The following BRDT variants were observed in gnomAD, a reference collection of about 807,000 sequenced individuals.
The protein encoded by BRDT is bromodomain testis-specific protein.
BRDT carries 77 observed loss-of-function variants against 113.9 expected under a neutral mutation model. The ratio of observed to expected loss-of-function variants is 0.68; its 90% CI spans 0.56 to 0.82. The LOEUF (loss-of-function observed/expected upper bound fraction) is 0.82. BRDT is among the 40% of genes least tolerant of loss of function. BRDT has a pLI of 0.00. For synonymous variants in BRDT, 358 were observed against 366.5 expected, an observed-to-expected ratio of 0.98 and a Z score of 0.26; for missense variants, 1,027 against 1,105.4, an observed-to-expected ratio of 0.93 and a Z score of 1.01.
At chr1:91,966,947 T>C (rs1034875262) in intron 3 of BRDT, among the ~76,000 whole-genome samples, 1 of 152,056 alleles carries the variant, frequency 6.6e-6, no homozygotes, top group African/African-American at 2.4e-5. Flanking sequence ...CAGGCACCTG[T>C]AATCCCAGGT....
chr1:92,008,399 T>C (rs1052637812), intron 18 of BRDT, among the ~76,000 whole-genome samples: 5 of 152,154 alleles, frequency 3.3e-5, no homozygotes, highest in Admixed American at 6.6e-5. Flanking sequence ...TTTAGAGCAG[T>C]CTTACATTTG....
At chr1:91,965,352 CA>C (rs1363712679) in intron 3 of BRDT, among the ~76,000 whole-genome samples, 9 of 151,884 alleles carry the variant, frequency 5.9e-5, no homozygotes, top group African/African-American at 1.9e-4. Context: ...TTTTAAAAAC[CA>C]AAATACCAAT....
intron 14 of BRDT, among the ~76,000 whole-genome samples, chr1:91,993,537 T>C (rs1570597707): frequency 1.3e-5 from 2 of 152,206 alleles, no homozygotes; most frequent in Non-Finnish European, 2.9e-5. Context: ...ATTAAATAAA[T>C]GTTAGCTATT....
At chr1:91,986,365 A>C (rs973164225) in intron 12 of BRDT, among the ~76,000 whole-genome samples, 2 of 152,208 alleles carry the variant, frequency 1.3e-5, no homozygotes, top group African/African-American at 4.8e-5. Flanking sequence ...GAGTACTTTT[A>C]ATTAAAACCT....
intron 12 of BRDT, among the ~76,000 whole-genome samples, chr1:91,986,451 G>A (rs1685248835): frequency 6.6e-6 from 1 of 152,098 alleles, no homozygotes; most frequent in Non-Finnish European, 1.5e-5. Context: ...TTTTTTCAGT[G>A]TACTTAATTT....
In BRDT at chr1:92,014,229, C is replaced by A; in HGVS notation, c.2799C>A (p.Thr933=). The change falls in exon 19 of 19, where the codon ACC becomes ACA. Residue 933 remains threonine, a synonymous_variant. Transcript: ENST00000399546. Reference sequence around the variant, plus strand: ...AGATGGTGGGTACCATTGATATGACCCTTCAAAGTGACATTATGACAATGT... The same window carrying A: ...AGATGGTGGGTACCATTGATATGACACTTCAAAGTGACATTATGACAATGT... The part of the protein sequence containing the change: ...REAMVGTIDM[T]LQSDIMTMFE... 6.3e-7 allele frequency: 1 copy of A among 1,588,764 alleles called. No homozygotes were observed. Among genetic ancestry groups the A allele is most frequent in the Non-Finnish European group, 8.5e-7 (1 of 1,172,044 alleles).
Position 91,964,729 on chromosome 1 carries a change from A to C in BRDT, c.295A>C (p.Asn99His). 1 of 1,487,470 alleles carries C rather than the reference A, an allele frequency of 6.7e-7. No homozygotes were observed. Among genetic ancestry groups the C allele is most frequent in the Non-Finnish European group, 9.1e-7 (1 of 1,096,232 alleles). 92.1% of individuals were successfully genotyped at this position (1,487,470 alleles called of 1,614,324 possible). The change falls in exon 3 of 19, where the codon AAT becomes CAT. Residue 99 changes from asparagine (N) to histidine (H), a missense_variant. Coordinates refer to ENST00000399546, the MANE Select transcript of BRDT (RefSeq NM_207189.4). ...AKASECIEDF[N>H]TMFSNCYLYN... ...GGCTTCAGAATGTATAGAAGACTTC[A>C]ATACAATGTTCTCAAATTGTTATTT... is the stretch of plus-strand genomic sequence containing the variant.
In BRDT at chr1:91,992,312, C is replaced by G; in HGVS notation, c.2113C>G (p.Gln705Glu). ...GCCTGAAGGAAGAACAGGCGTCACA[C>G]AGGTAATGCTTAAAATGTGTTTTAA... ...IPPEGRTGVT[Q>E]IGYCVQDTTS... Residue 705 changes from glutamine (Q) to glutamate (E), a missense_variant and splice_region_variant, in exon 14 of 19, where the codon CAG (glutamine) becomes GAG (glutamate). Gln to Glu is a conservative substitution (Grantham distance 29, BLOSUM62 2). Coordinates refer to ENST00000399546, the MANE Select transcript of BRDT (RefSeq NM_207189.4). The G allele has an allele frequency of 6.7e-7, 1 of 1,495,054 alleles. No homozygotes were observed. 92.6% of individuals were successfully genotyped at this position (1,495,054 alleles called of 1,614,324 possible).
rs1207546565 is a variant in BRDT, at chr1:91,964,732, A to G, written c.298A>G (p.Thr100Ala). ...KASECIEDFN[T>A]MFSNCYLYNK... Reference sequence around the variant, plus strand: ...TTCAGAATGTATAGAAGACTTCAATACAATGTTCTCAAATTGTTATTTATA... The same window carrying G: ...TTCAGAATGTATAGAAGACTTCAATGCAATGTTCTCAAATTGTTATTTATA... The change falls in exon 3 of 19, where the codon ACA becomes GCA. Residue 100 changes from threonine (T) to alanine (A), a missense_variant. Thr to Ala is a moderately conservative substitution (Grantham distance 58). Coordinates refer to ENST00000399546, the MANE Select transcript of BRDT (RefSeq NM_207189.4). 2.0e-6 allele frequency: 3 copies of G among 1,486,974 alleles called. No homozygotes were observed. Among genetic ancestry groups the G allele is most frequent in the Non-Finnish European group, 2.7e-6 (3 of 1,096,850 alleles). 92.1% of individuals were successfully genotyped at this position (1,486,974 alleles called of 1,614,324 possible). A position where few individuals can be genotyped will look rare whatever the true frequency, so the allele number is the denominator to read the frequency against.
At chr1:91,978,066 CT>C in intron 6 of BRDT, 101 bp from the exon 7 acceptor site, 2 of 1,124,694 alleles carry the variant, frequency 1.8e-6, no homozygotes, top group East Asian at 2.5e-5. Flanking sequence ...CAACTGTTTT[CT>C]GTATATTTGA....
chr1:91,997,988 G>A (rs1686495112), intron 15 of BRDT, among the ~76,000 whole-genome samples: 1 of 152,128 alleles, frequency 6.6e-6, no homozygotes, highest in Admixed American at 6.5e-5. Flanking sequence ...AAATGTTAGA[G>A]TACATAAAAG....
At chr1:91,994,883 A>T (rs1254014305) in intron 15 of BRDT, among the ~76,000 whole-genome samples, 4 of 150,894 alleles carry the variant, frequency 2.7e-5, no homozygotes, top group African/African-American at 9.7e-5. Context: ...AAAAAAAAAA[A>T]AAAAAAAAAG....
chr1:91,988,052 G>A (rs1685424160), intron 12 of BRDT, among the ~76,000 whole-genome samples: 1 of 152,056 alleles, frequency 6.6e-6, no homozygotes, highest in Non-Finnish European at 1.5e-5. Context: ...GTTTCACAAT[G>A]TTGACAGGCT....
chr1:91,973,093 A>G (rs1683782418), intron 4 of BRDT, among the ~76,000 whole-genome samples: 1 of 152,212 alleles, frequency 6.6e-6, no homozygotes, highest in African/African-American at 2.4e-5. Flanking sequence ...GCATAAGGAT[A>G]TCTTCTTTTA....
chr1:91,993,420 C>A, intron 14 of BRDT, among the ~76,000 whole-genome samples: 1 of 152,094 alleles, frequency 6.6e-6, no homozygotes, highest in East Asian at 1.9e-4. Context: ...TCTATTATTT[C>A]TAGAAAATGT....
Position 91,980,789 on chromosome 1 carries a change from G to A in BRDT, c.1434G>A (p.Met478Ile). The part of the protein sequence containing the change: ...NENPRKMCEQ[M>I]RLKEKSKRNQ... ...ATCCAAGAAAAATGTGTGAGCAAATGAGGCTAAAGGAAAAGTCCAAGAGAA... is the reference window on the plus strand; with the variant it reads ...ATCCAAGAAAAATGTGTGAGCAAATAAGGCTAAAGGAAAAGTCCAAGAGAA... Residue 478 changes from methionine (M) to isoleucine (I), a missense_variant, in exon 9 of 19, where the codon ATG (methionine) becomes ATA (isoleucine). By Grantham distance (10) the Met-to-Ile change is conservative. Transcript: ENST00000399546. The A allele has an allele frequency of 6.3e-7, 1 of 1,598,292 alleles. No homozygotes were observed. Among genetic ancestry groups the A allele is most frequent in the Non-Finnish European group, 8.5e-7 (1 of 1,176,616 alleles).
rs563213319 is a variant in BRDT, at chr1:91,958,964, G to A, written c.-37-3754G>A. ...ATCAGGAGGCTGAGGTGGGAGAGTC[G>A]TTTGAGCCCAGGAGTTTGAGGCTGC... On this transcript the variant is annotated intron_variant, in intron 1 of 18. Coordinates refer to ENST00000399546, the MANE Select transcript of BRDT (RefSeq NM_207189.4). 1.4e-4 allele frequency among the ~76,000 whole-genome samples: 21 copies of A among 152,126 alleles called. No homozygotes were observed. In the South Asian group the frequency reaches 4.2e-3, roughly 30 times the overall value.
chr1:91,963,050 G>A (rs905036235), intron 2 of BRDT, 104 bp downstream of exon 2: 31 of 945,448 alleles, frequency 3.3e-5, no homozygotes, highest in Middle Eastern at 3.2e-4. Flanking sequence ...TTGGCCAGGC[G>A]CGTTGGCTCC....
chr1:92,011,587 C>T (rs34861778), intron 18 of BRDT, among the ~76,000 whole-genome samples: 30,955 of 152,004 alleles, frequency 0.2, 3,614 homozygotes, highest in Middle Eastern at 0.27. Flanking sequence ...TGTTGGCACT[C>T]ACACGGGCCT....
Sources: gnomAD v4.1 joint callset for allele counts (sites outside exome capture counted in the v4.1 genomes callset) on GRCh38, gnomAD v4.1.1 for gene constraint, MANE v1.5 for transcripts, NCBI Gene and HGNC (gene_info 2026-07-23, HGNC 2026-07-21) for gene names.